The following CTXND1 variants were observed in gnomAD, a reference collection of about 807,000 sequenced individuals.
CTXND1 encodes cortexin domain containing 1, also known as cortexin domain-containing 1 protein.
At chr15:80,221,770 T>C (rs1893322266) in intron 1 of CTXND1, among the ~76,000 whole-genome samples, 1 of 152,238 alleles carries the variant, frequency 6.6e-6, no homozygotes, top group Admixed American at 6.5e-5. Flanking sequence ...TCTTTGAGTA[T>C]AACTTTGGCT....
intron 1 of CTXND1, among the ~76,000 whole-genome samples, chr15:80,225,486 G>A (rs1279136282): frequency 1.3e-5 from 2 of 152,024 alleles, no homozygotes; most frequent in African/African-American, 4.8e-5. Context: ...CAAATATACA[G>A]ATAGCGAATC....
chr15:80,241,416 C>T (rs567869661), intron 1 of CTXND1, among the ~76,000 whole-genome samples: 6 of 152,248 alleles, frequency 3.9e-5, no homozygotes, highest in South Asian at 2.1e-4. Flanking sequence ...CTTTCTATGT[C>T]GAGAGCCCAC....
At chr15:80,222,013 TAGTC>T (rs994082084) in intron 1 of CTXND1, among the ~76,000 whole-genome samples, 11 of 152,212 alleles carry the variant, frequency 7.2e-5, no homozygotes, top group African/African-American at 2.4e-5. Context: ...TGTGTATACA[TAGTC>T]AGTTTCTTGA....
At chr15:80,248,949 ATT>A (rs60054169) in intron 1 of CTXND1, among the ~76,000 whole-genome samples, 178 of 147,732 alleles carry the variant, frequency 1.2e-3, no homozygotes, top group African/African-American at 4.0e-3. Flanking sequence ...TCTTTTTTTG[ATT>A]TTTTTTTTTT....
chr15:80,233,488 C>A (rs1188164426), intron 1 of CTXND1, among the ~76,000 whole-genome samples: 1 of 152,158 alleles, frequency 6.6e-6, no homozygotes, highest in Non-Finnish European at 1.5e-5. Context: ...ATGCTCCTGT[C>A]CTTCAGGCTG....
At chr15:80,203,220 A>G (rs1200756099) in intron 2 of CTXND1, among the ~76,000 whole-genome samples, 1 of 152,152 alleles carries the variant, frequency 6.6e-6, no homozygotes, top group Non-Finnish European at 1.5e-5. Context: ...CCCTATCCTC[A>G]TCCCTGAACT....
rs1317546554 is a variant in CTXND1 at position 80,221,731 on chromosome 15, AAT to A, written c.-217-17993_-217-17992del. ...TTAAATCTTTTTTGCTTAATAGAAA[AAT>A]AAATATTTTTTAGGGCTTTATATAT... On this transcript the variant is annotated intron_variant, in intron 1 of 2. Transcript: ENST00000560778. Among the ~76,000 whole-genome samples the A allele has an allele frequency of 5.3e-5, 8 of 152,304 alleles. No homozygotes were observed. The South Asian group carries it at 8.3e-4, about 16-fold the overall frequency.
chr15:80,245,900 T>C (rs1343656752), intron 1 of CTXND1, among the ~76,000 whole-genome samples: 1 of 151,978 alleles, frequency 6.6e-6, no homozygotes, highest in Non-Finnish European at 1.5e-5. Flanking sequence ...ATGAACACAA[T>C]TTATTAGGTG....
At chr15:80,228,636 C>CTTTT (rs58443773) in intron 1 of CTXND1, among the ~76,000 whole-genome samples, 7 of 139,896 alleles carry the variant, frequency 5.0e-5, no homozygotes, top group African/African-American at 5.4e-5. Flanking sequence ...AAATCTGAAA[C>CTTTT]TTTTTTTTTT....
intron 1 of CTXND1, among the ~76,000 whole-genome samples, chr15:80,250,589 G>C (rs1893681907): frequency 6.6e-6 from 1 of 152,210 alleles, no homozygotes; most frequent in Non-Finnish European, 1.5e-5. Context: ...TGAATGCAAT[G>C]ATTACACAGA....
At chr15:80,240,627 C>T (rs1411264732) in intron 1 of CTXND1, among the ~76,000 whole-genome samples, 1 of 152,184 alleles carries the variant, frequency 6.6e-6, no homozygotes, top group Non-Finnish European at 1.5e-5. Context: ...ACTTTCCAGA[C>T]ATCTGTTAAA....
chr15:80,225,946 C>T (rs1419083894), intron 1 of CTXND1, among the ~76,000 whole-genome samples: 2 of 152,170 alleles, frequency 1.3e-5, no homozygotes, highest in Admixed American at 6.5e-5. Context: ...GCAACTGCCT[C>T]ATTGTTTATA....
rs2041450236 is a variant in CTXND1 at position 80,201,760 on chromosome 15, C to G, written c.*10G>C. On this transcript the variant is annotated 3_prime_UTR_variant, in exon 3 of 3. Coordinates refer to ENST00000560778, the MANE Select transcript of CTXND1 (RefSeq NM_001352888.2). ...AGAGCGCCAGGTCCAGTCCCCACAGCCGCTGTGCCTCAGTCGTCCAGGTGC... is the reference window on the plus strand; with the variant it reads ...AGAGCGCCAGGTCCAGTCCCCACAGGCGCTGTGCCTCAGTCGTCCAGGTGC... 1 of 398,876 alleles carries G rather than the reference C, an allele frequency of 2.5e-6. No homozygotes were observed. The highest frequency in any genetic ancestry group is 4.4e-5 in the Admixed American group (1 of 22,740). 24.7% of individuals were successfully genotyped at this position (398,876 alleles called of 1,614,324 possible).
intron 1 of CTXND1, among the ~76,000 whole-genome samples, chr15:80,227,322 C>T (rs1042056200): frequency 6.6e-6 from 1 of 152,198 alleles, no homozygotes; most frequent in Non-Finnish European, 1.5e-5. Flanking sequence ...ATATCACAGT[C>T]TTCCACACTT....
At position 80,252,099 on chromosome 15, in the gene CTXND1, G is replaced by A. The variant is rs1212399639; in HGVS notation, c.-310C>T. The A allele has an allele frequency of 5.3e-5, 8 of 151,676 alleles. No homozygotes were observed. The highest frequency in any genetic ancestry group is 1.9e-4 in the African/African-American group (8 of 41,398). The allele number at this position is 151,676 out of a possible 1,614,324, so 9.4% of individuals were successfully genotyped here. A position where few individuals can be genotyped will look rare whatever the true frequency, so the allele number is the denominator to read the frequency against. On this transcript the variant is annotated 5_prime_UTR_variant, in exon 1 of 3. Coordinates refer to ENST00000560778, the MANE Select transcript of CTXND1 (RefSeq NM_001352888.2). ...GGATCGCCGGCTACGGCGTTTCCCGGTGACGGGGGCGCGGGCTCGCGGGGC... is the reference window on the plus strand; with the variant it reads ...GGATCGCCGGCTACGGCGTTTCCCGATGACGGGGGCGCGGGCTCGCGGGGC...
At chr15:80,220,948 G>C (rs1475381551) in intron 1 of CTXND1, among the ~76,000 whole-genome samples, 1 of 147,050 alleles carries the variant, frequency 6.8e-6, no homozygotes, top group Non-Finnish European at 1.5e-5. Flanking sequence ...TCGCTCTGTC[G>C]CCCAGGCTGG....
At chr15:80,205,304 T>G (rs1807970991) in intron 1 of CTXND1, among the ~76,000 whole-genome samples, 1 of 152,226 alleles carries the variant, frequency 6.6e-6, no homozygotes. Flanking sequence ...ATGGAGTAAA[T>G]GTCCTTGTAG....
intron 1 of CTXND1, among the ~76,000 whole-genome samples, chr15:80,240,972 A>T (rs1039400848): frequency 6.6e-6 from 1 of 152,210 alleles, no homozygotes; most frequent in African/African-American, 2.4e-5. Context: ...AGTTCTACAG[A>T]GACAAGCTCT....
At chr15:80,241,795 A>G (rs1893571380) in intron 1 of CTXND1, among the ~76,000 whole-genome samples, 1 of 152,210 alleles carries the variant, frequency 6.6e-6, no homozygotes, top group Non-Finnish European at 1.5e-5. Context: ...CACCCACAGC[A>G]CAATTTCCTG....
Sources: gnomAD v4.1 joint callset for allele counts (sites outside exome capture counted in the v4.1 genomes callset) on GRCh38, gnomAD v4.1.1 for gene constraint, MANE v1.5 for transcripts, NCBI Gene and HGNC (gene_info 2026-07-23, HGNC 2026-07-21) for gene names.